The following SKA3 variants were observed in gnomAD, a reference collection of about 807,000 sequenced individuals.
SKA3 encodes the protein spindle and kinetochore associated complex subunit 3.
Under a neutral mutation model 44.2 loss-of-function variants are expected in SKA3, and 39 were observed. That is an observed-to-expected ratio of 0.88 (90% CI 0.68 to 1.15). SKA3 has a LOEUF of 1.15. Among genes scored for constraint, SKA3 ranks in the 50% most tolerant of loss-of-function variants. The pLI, the probability that SKA3 is intolerant of heterozygous loss-of-function variation, is 0.00. For synonymous variants in SKA3, 192 were observed against 172.0 expected, an observed-to-expected ratio of 1.12 and a Z score of -0.91; for missense variants, 511 against 485.8, an observed-to-expected ratio of 1.05 and a Z score of -0.49.
At chr13:21,163,445 GTTCAT>G (rs1459450199) in intron 4 of SKA3, among the ~76,000 whole-genome samples, 2 of 152,004 alleles carry the variant, frequency 1.3e-5, no homozygotes, top group Admixed American at 1.3e-4. Flanking sequence ...CCTTGAATTT[GTTCAT>G]TTAAGTAAAA....
chr13:21,165,158 A>C (rs1870638713), intron 4 of SKA3, among the ~76,000 whole-genome samples: 1 of 151,862 alleles, frequency 6.6e-6, no homozygotes, highest in Admixed American at 6.6e-5. Context: ...AACTTACTGA[A>C]TCATCTTTAC....
chr13:21,154,911 A>G lies in SKA3; in HGVS notation c.*239T>C, dbSNP rs1013802996. 7.8e-6 allele frequency: 5 copies of G among 638,358 alleles called. No homozygotes were observed. In the South Asian group the frequency reaches 1.1e-4, roughly 14 times the overall value. The allele number at this position is 638,358 out of a possible 1,614,324, so 39.5% of individuals were successfully genotyped here. A position where few individuals can be genotyped will look rare whatever the true frequency, so the allele number is the denominator to read the frequency against. On this transcript the variant is annotated 3_prime_UTR_variant, in exon 9 of 9. Transcript: ENST00000314759. Reference sequence around the variant, plus strand: ...GATTAAGCTGGGTAATTTAGTATCAATGAAACACTAATAATCCTTAAAGAG... The same window carrying G: ...GATTAAGCTGGGTAATTTAGTATCAGTGAAACACTAATAATCCTTAAAGAG...
At chr13:21,175,903 G>A (rs1401986213) in intron 1 of SKA3, among the ~76,000 whole-genome samples, 1 of 152,302 alleles carries the variant, frequency 6.6e-6, no homozygotes, top group East Asian at 1.9e-4. Context: ...TATGTGTAAA[G>A]TATTGTGTAA....
rs779649369 is a variant in SKA3 at position 21,172,627 on chromosome 13, G to A, written c.158C>T (p.Thr53Ile). The change falls in exon 2 of 9, where the codon ACT becomes ATT. Residue 53 changes from threonine to isoleucine, a missense_variant. Physicochemically the swap from Thr to Ile is moderately conservative, Grantham distance 89. Coordinates refer to ENST00000314759, the MANE Select transcript of SKA3 (RefSeq NM_145061.6). ...ILYDLHSEVQ[T>I]LKDDVNILLD... ...ATATTGTAGGAGTGATACCTTTAGA[G>A]TCTGAACTTCTGAATGAAGGTCATA... The A allele has an allele frequency of 1.1e-5, 17 of 1,585,520 alleles. No individual in the cohort carries two copies. The highest frequency in any genetic ancestry group is 1.4e-5 in the Non-Finnish European group (16 of 1,163,954).
At chr13:21,160,258 G>A (rs1246539740) in intron 5 of SKA3, among the ~76,000 whole-genome samples, 1 of 152,162 alleles carries the variant, frequency 6.6e-6, no homozygotes, top group Non-Finnish European at 1.5e-5. Flanking sequence ...TAAAAATGGT[G>A]TAAAACCTTT....
rs1293529979 is a variant in SKA3 at position 21,154,429 on chromosome 13, T to TC, written c.*720dup. ...CTTTTAGAGAGAGTGAAATTCAGGG[T>TC]CTACTGGGTGTCCAAGCTGCAGAGT... On this transcript the variant is annotated 3_prime_UTR_variant, in exon 9 of 9. Transcript: ENST00000314759. The TC allele has an allele frequency of 6.5e-6, 1 of 152,788 alleles. No individual in the cohort carries two copies. Among genetic ancestry groups the TC allele is most frequent in the African/African-American group, 2.4e-5 (1 of 41,414 alleles). The allele number at this position is 152,788 out of a possible 1,614,324, so 9.5% of individuals were successfully genotyped here.
chr13:21,173,465 G>A (rs1418864737), intron 1 of SKA3, among the ~76,000 whole-genome samples: 2 of 152,138 alleles, frequency 1.3e-5, no homozygotes, highest in African/African-American at 2.4e-5. Flanking sequence ...CCATGTTGGT[G>A]AGGCTGGTCT....
At chr13:21,173,056 C>T (rs1254984357) in intron 1 of SKA3, among the ~76,000 whole-genome samples, 1 of 152,118 alleles carries the variant, frequency 6.6e-6, no homozygotes, top group Non-Finnish European at 1.5e-5. Context: ...CAGAATGTAT[C>T]CCCATTAAGT....
rs141416807 is a variant in SKA3, at chr13:21,176,138, T to C, written c.103+237A>G. Among the ~76,000 whole-genome samples the C allele has an allele frequency of 4.4e-3, 665 of 152,302 alleles. 5 individuals carry two copies. Among genetic ancestry groups the C allele is most frequent in the African/African-American group, 0.015 (631 of 41,558 alleles). ...CTCAAGAGAGCCGTGGGGTTGTACA[T>C]GGGTCTAAAACGGACACGCGACAAG... On this transcript the variant is annotated intron_variant, in intron 1 of 8. Coordinates refer to ENST00000314759, the MANE Select transcript of SKA3 (RefSeq NM_145061.6).
intron 4 of SKA3, among the ~76,000 whole-genome samples, chr13:21,166,560 C>A (rs537154687): frequency 6.6e-6 from 1 of 152,186 alleles, no homozygotes; most frequent in African/African-American, 2.4e-5. Context: ...ATGGTGAAAC[C>A]CTGTCTCTAC....
intron 3 of SKA3, among the ~76,000 whole-genome samples, chr13:21,170,400 G>A (rs960991258): frequency 3.9e-5 from 6 of 152,000 alleles, no homozygotes; most frequent in African/African-American, 1.2e-4. Flanking sequence ...GGCTGGTCTC[G>A]AACTCCTGAC....
chr13:21,169,166 C>A (rs1024110779), intron 3 of SKA3, among the ~76,000 whole-genome samples: 8 of 150,936 alleles, frequency 5.3e-5, no homozygotes, highest in Non-Finnish European at 1.2e-4. Context: ...TTGGGGCGAA[C>A]AATGAACAAC....
intron 3 of SKA3, among the ~76,000 whole-genome samples, chr13:21,169,144 G>C (rs1016518322): frequency 7.9e-5 from 12 of 151,706 alleles, no homozygotes; most frequent in African/African-American, 2.7e-4. Flanking sequence ...AACAATGGGG[G>C]AAGGCCCCAG....
Position 21,168,117 on chromosome 13 carries a change from T to A in SKA3, c.614A>T (p.Lys205Ile), listed in dbSNP as rs769106159. Reference protein sequence around the residue: ...QSLVKVLKTPKCALKMDDFEC... With the variant: ...QSLVKVLKTPICALKMDDFEC... ...AAAATCATCCATTTTTAGTGCACAT[T>A]TTGGAGTTTTTAGTACTTTTACTAG... Residue 205 changes from lysine to isoleucine, a missense_variant, in exon 4 of 9, where the codon AAA (lysine) becomes ATA (isoleucine). Lys to Ile is a moderately radical substitution (Grantham distance 102). Coordinates refer to ENST00000314759, the MANE Select transcript of SKA3 (RefSeq NM_145061.6). The A allele has an allele frequency of 1.3e-5, 21 of 1,614,084 alleles. No individual in the cohort carries two copies. The East Asian group carries it at 4.5e-4, about 34-fold the overall frequency.
rs560390595 is a variant in SKA3, at chr13:21,170,391, G to A, written c.331+1948C>T. On this transcript the variant is annotated intron_variant, in intron 3 of 8. Coordinates refer to ENST00000314759, the MANE Select transcript of SKA3 (RefSeq NM_145061.6). ...GACAGGGTCTCACCATGTTGGCTAG[G>A]CTGGTCTCGAACTCCTGACCTCAGG... Among the ~76,000 whole-genome samples the A allele has an allele frequency of 1.4e-4, 21 of 152,126 alleles. No homozygotes were observed. In the East Asian group the frequency reaches 4.1e-3, roughly 29 times the overall value.
intron 3 of SKA3, among the ~76,000 whole-genome samples, chr13:21,171,619 A>C (rs1424883573): frequency 2.0e-5 from 3 of 152,092 alleles, no homozygotes; most frequent in African/African-American, 7.2e-5. Flanking sequence ...AGGTATGGGC[A>C]TAACAGTAAC....
chr13:21,161,892 G>A lies in SKA3; in HGVS notation c.744-17C>T, dbSNP rs1393236106. On this transcript the variant is annotated splice_polypyrimidine_tract_variant and intron_variant, in intron 4 of 8. Coordinates refer to ENST00000314759, the MANE Select transcript of SKA3 (RefSeq NM_145061.6). ...GCCTCCTCACTGGTGTGATTCATAG[G>A]GAAATTACAAGGTTAAAAAAGTTAA... 1.0e-5 allele frequency: 12 copies of A among 1,166,910 alleles called. No homozygotes were observed. The highest frequency in any genetic ancestry group is 1.4e-5 in the Non-Finnish European group (12 of 877,648). The allele number at this position is 1,166,910 out of a possible 1,614,324, so 72.3% of individuals were successfully genotyped here.
chr13:21,164,534 T>G (rs1949052806), intron 4 of SKA3, among the ~76,000 whole-genome samples: 2 of 152,230 alleles, frequency 1.3e-5, no homozygotes, highest in South Asian at 4.1e-4. Flanking sequence ...TTCATTGTAC[T>G]CTTCTAACAG....
chr13:21,176,333 G>A (rs904659536), intron 1 of SKA3, 42 bp downstream of exon 1: 24 of 1,292,830 alleles, frequency 1.9e-5, no homozygotes, highest in Non-Finnish European at 2.4e-5. Flanking sequence ...TCCGCCCGCG[G>A]CGCACCCCAC....
Sources: allele counts gnomAD v4.1 joint callset (sites outside exome capture counted in the v4.1 genomes callset), GRCh38; gene constraint gnomAD v4.1.1; transcripts MANE v1.5; gene names NCBI Gene and HGNC (gene_info 2026-07-23, HGNC 2026-07-21).